The following PCTP variants were observed in gnomAD, a reference collection of about 807,000 sequenced individuals.
PCTP encodes the protein phosphatidylcholine transfer protein, also known as START domain-containing protein 2.
A neutral mutation model predicts 31.0 loss-of-function variants in PCTP; 27 were observed. The ratio of observed to expected loss-of-function variants is 0.87; its 90% confidence interval spans 0.64 to 1.20. The LOEUF is 1.20. Ranked by LOEUF, PCTP falls within the 50% of genes most tolerant of loss-of-function variation. PCTP has a pLI of 0.00. For missense variants in PCTP, 287 were observed against 268.2 expected (o/e 1.07, Z -0.49); for synonymous variants, 108 against 101.2 (o/e 1.07, Z -0.40).
At chr17:55,806,660 G>A (rs1391016909) in intron 3 of PCTP, among the ~76,000 whole-genome samples, 2 of 152,086 alleles carry the variant, frequency 1.3e-5, no homozygotes, top group African/African-American at 4.8e-5. Context: ...GGCAGTGTGA[G>A]GAATTAAGGA....
intron 2 of PCTP, 150 bp downstream of exon 2, chr17:55,767,602 C>T (rs1366811061): frequency 4.2e-6 from 2 of 474,084 alleles, no homozygotes; most frequent in East Asian, 7.7e-5. Flanking sequence ...GTAGCTGGGA[C>T]TACAGGCGCC....
At chr17:55,780,485 G>C (rs181427690), downstream of PCTP, among the ~76,000 whole-genome samples, 6 of 152,124 alleles carry the variant, frequency 3.9e-5, no homozygotes. Context: ...CCTTCCATCC[G>C]ATGGTGGTTG....
At chr17:55,775,519 G>A in intron 5 of PCTP, 1 of 1,183,050 alleles carries the variant, frequency 8.5e-7, no homozygotes, top group East Asian at 3.2e-5. Flanking sequence ...ATTTAAGGAA[G>A]CCATGCATTT....
chr17:55,848,623 A>T, the PCTP span, among the ~76,000 whole-genome samples: 2 of 152,218 alleles, frequency 1.3e-5, no homozygotes, highest in Admixed American at 6.5e-5. Flanking sequence ...ACCAAAACCC[A>T]GAAAGAACTT....
intron 5 of PCTP, among the ~76,000 whole-genome samples, chr17:55,828,157 C>T (rs1005835148): frequency 6.6e-5 from 10 of 152,124 alleles, no homozygotes; most frequent in African/African-American, 9.7e-5. Context: ...AAGTTTCCTA[C>T]GTGAGAAAGG....
At chr17:55,752,635 CA>C (rs1247390340) in intron 1 of PCTP, among the ~76,000 whole-genome samples, 1 of 152,194 alleles carries the variant, frequency 6.6e-6, no homozygotes, top group Non-Finnish European at 1.5e-5. Flanking sequence ...GGAATACTTA[CA>C]AATTAGTAGG....
At chr17:55,787,108 A>C (rs1467517563) in intron 2 of PCTP, among the ~76,000 whole-genome samples, 1 of 151,844 alleles carries the variant, frequency 6.6e-6, no homozygotes, top group African/African-American at 2.4e-5. Flanking sequence ...CCCCAGAGGT[A>C]GACTACCTCC....
At chr17:55,779,596 C>G (rs991958513), downstream of PCTP, among the ~76,000 whole-genome samples, 3 of 152,146 alleles carry the variant, frequency 2.0e-5, no homozygotes, top group African/African-American at 7.2e-5. Context: ...GGATTTGGGA[C>G]TTTATCCCAA....
intron 1 of PCTP, among the ~76,000 whole-genome samples, chr17:55,761,061 G>A (rs774986067): frequency 6.6e-6 from 1 of 152,182 alleles, no homozygotes; most frequent in African/African-American, 2.4e-5. Flanking sequence ...GGGAATAGAA[G>A]GGGCCAGTGT....
At chr17:55,767,505 C>A in intron 2 of PCTP, 53 bp downstream of exon 2, 3 of 1,279,414 alleles carry the variant, frequency 2.3e-6, no homozygotes, top group South Asian at 1.2e-5. Context: ...ACTTTTGTAG[C>A]CCAGGGTGAA....
chr17:55,842,826 C>T (rs940522658), exon 6 of PCTP: 1 of 152,196 alleles, frequency 6.6e-6, no homozygotes, highest in East Asian at 1.9e-4. Context: ...GAGGGCTCCT[C>T]CTGTCTATAA....
intron 3 of PCTP, among the ~76,000 whole-genome samples, chr17:55,803,559 A>G (rs1036994694): frequency 1.3e-5 from 2 of 152,200 alleles, no homozygotes; most frequent in Non-Finnish European, 2.9e-5. Context: ...AGTGCCACAC[A>G]TCTACAACCA....
At position 55,776,285 on chromosome 17, in the gene PCTP, G is replaced by T; in HGVS notation, c.*185G>T. The T allele has an allele frequency of 7.3e-7, 1 of 1,367,922 alleles. No individual in the cohort carries two copies. Among genetic ancestry groups the T allele is most frequent in the Non-Finnish European group, 9.4e-7 (1 of 1,061,812 alleles). The allele number at this position is 1,367,922 out of a possible 1,614,324, so 84.7% of individuals were successfully genotyped here. ...CTACACACTACCACATCCTTTCTAAGCATGTTTGCCTGACATCCAGCTCAC... is the reference window on the plus strand; with the variant it reads ...CTACACACTACCACATCCTTTCTAATCATGTTTGCCTGACATCCAGCTCAC... On this transcript the variant is annotated 3_prime_UTR_variant, in exon 6 of 6. Coordinates refer to ENST00000268896, the MANE Select transcript of PCTP (RefSeq NM_021213.4).
chr17:55,774,915 G>A, intron 5 of PCTP, 56 bp downstream of exon 5: 1 of 1,522,068 alleles, frequency 6.6e-7, no homozygotes, highest in Non-Finnish European at 9.1e-7. Flanking sequence ...TTTGACAAAT[G>A]TTGACTTAGC....
At chr17:55,804,646 A>G (rs1912519451) in intron 3 of PCTP, among the ~76,000 whole-genome samples, 1 of 152,150 alleles carries the variant, frequency 6.6e-6, no homozygotes, top group Non-Finnish European at 1.5e-5. Context: ...TCTCACTTAT[A>G]AGTGGGAGTT....
chr17:55,789,759 T>C (rs1457458260), intron 3 of PCTP, among the ~76,000 whole-genome samples: 3 of 152,182 alleles, frequency 2.0e-5, no homozygotes, highest in Non-Finnish European at 4.4e-5. Flanking sequence ...TCTGAAACTG[T>C]TCCAATCAGT....
intron 3 of PCTP, among the ~76,000 whole-genome samples, chr17:55,815,764 C>T (rs1422228058): frequency 6.6e-6 from 1 of 152,192 alleles, no homozygotes; most frequent in Non-Finnish European, 1.5e-5. Context: ...AACCTGCCAA[C>T]AGGTTCAAGT....
downstream of PCTP, among the ~76,000 whole-genome samples, chr17:55,845,438 G>C (rs1001453319): frequency 2.0e-5 from 3 of 152,116 alleles, no homozygotes; most frequent in East Asian, 1.9e-4. Flanking sequence ...CTCCCAGGAC[G>C]GCGTCCGCGG....
chr17:55,852,487 A>T, the PCTP span, among the ~76,000 whole-genome samples: 1 of 152,228 alleles, frequency 6.6e-6, no homozygotes, highest in South Asian at 2.1e-4. Context: ...TCCTTATTTT[A>T]CCTGGCTGAA....
Sources: gnomAD v4.1 joint callset for allele counts (sites outside exome capture counted in the v4.1 genomes callset) on GRCh38, gnomAD v4.1.1 for gene constraint, MANE v1.5 for transcripts, NCBI Gene and HGNC (gene_info 2026-07-23, HGNC 2026-07-21) for gene names.